The following CCDC3 variants were observed in gnomAD, a reference collection of about 807,000 sequenced individuals.
The protein encoded by CCDC3 is coiled-coil domain-containing protein 3.
In CCDC3, 24 loss-of-function variants were observed where a neutral mutation model predicts 21.4. The ratio of observed to expected loss-of-function variants is 1.12; its 90% confidence interval spans 0.81 to 1.58. The LOEUF is 1.58. Ranked by LOEUF, CCDC3 falls within the 40% of genes most tolerant of loss-of-function variation. The pLI is 0.00. For missense variants in CCDC3, 425 were observed against 360.9 expected, an observed-to-expected ratio of 1.18 and a Z score of -1.44; for synonymous variants, 186 against 166.0, an observed-to-expected ratio of 1.12 and a Z score of -0.93.
At chr10:12,919,033 G>GTGAC (rs953362590) in intron 2 of CCDC3, among the ~76,000 whole-genome samples, 6 of 152,116 alleles carry the variant, frequency 3.9e-5, no homozygotes, top group African/African-American at 1.4e-4. Context: ...TCCAGCCTGG[G>GTGAC]TGACAGAGCA....
At chr10:13,076,211 T>C (rs893054731) in intron 3 of CCDC3, among the ~76,000 whole-genome samples, 1 of 152,240 alleles carries the variant, frequency 6.6e-6, no homozygotes, top group Non-Finnish European at 1.5e-5. Flanking sequence ...TGGGCAAATG[T>C]TGATGGCTGG....
chr10:13,069,950 C>G (rs1291169692), intron 4 of CCDC3, among the ~76,000 whole-genome samples: 1 of 152,138 alleles, frequency 6.6e-6, no homozygotes, highest in East Asian at 1.9e-4. Context: ...AGAACTTTGA[C>G]AGGTGCTCTG....
intron 3 of CCDC3, among the ~76,000 whole-genome samples, chr10:13,089,134 C>T (rs983143542): frequency 3.9e-5 from 6 of 152,088 alleles, no homozygotes; most frequent in South Asian, 2.1e-4. Context: ...AACTACACAG[C>T]GGACCATATA....
intron 5 of CCDC3, among the ~76,000 whole-genome samples, chr10:13,013,971 C>T (rs1456374750): frequency 2.0e-5 from 3 of 151,324 alleles, no homozygotes; most frequent in African/African-American, 4.9e-5. Context: ...GCCAACATGG[C>T]GAAACCCCAT....
chr10:12,964,656 A>G (rs1213961258), intron 2 of CCDC3, among the ~76,000 whole-genome samples: 2 of 152,098 alleles, frequency 1.3e-5, no homozygotes, highest in African/African-American at 2.4e-5. Flanking sequence ...ACATTTCCTC[A>G]CTGTTTGAAA....
At chr10:13,051,888 G>A (rs541335838) in intron 4 of CCDC3, among the ~76,000 whole-genome samples, 2 of 152,126 alleles carry the variant, frequency 1.3e-5, no homozygotes, top group Admixed American at 6.5e-5. Context: ...ACTTCCGCTT[G>A]GACAGGACAA....
At chr10:13,050,329 A>T (rs1836587799) in intron 4 of CCDC3, among the ~76,000 whole-genome samples, 1 of 152,242 alleles carries the variant, frequency 6.6e-6, no homozygotes, top group Admixed American at 6.5e-5. Context: ...GGAATTAAAC[A>T]GCAGGAGGCA....
intron 2 of CCDC3, among the ~76,000 whole-genome samples, chr10:12,963,622 C>A (rs1233677697): frequency 1.4e-5 from 2 of 138,632 alleles, no homozygotes; most frequent in African/African-American, 5.3e-5. Flanking sequence ...TCACTCTAAC[C>A]CAGGCTGGAG....
intron 2 of CCDC3, among the ~76,000 whole-genome samples, chr10:12,969,052 C>T (rs535000173): frequency 1.3e-5 from 2 of 152,170 alleles, no homozygotes; most frequent in African/African-American, 2.4e-5. Flanking sequence ...AAAAGACAAA[C>T]TACACACCTG....
At chr10:12,999,246 A>G (rs1016896568) in intron 1 of CCDC3, among the ~76,000 whole-genome samples, 1 of 152,234 alleles carries the variant, frequency 6.6e-6, no homozygotes, top group Non-Finnish European at 1.5e-5. Flanking sequence ...ATCTCAAAAA[A>G]AGAACATATA....
intron 4 of CCDC3, chr10:13,058,588 T>C: frequency 1.5e-6 from 1 of 669,418 alleles, no homozygotes; most frequent in Non-Finnish European, 2.7e-6. Context: ...CTGGGCATAG[T>C]AATCCGTTTT....
chr10:12,971,143 C>T (rs1835337165), intron 2 of CCDC3, among the ~76,000 whole-genome samples: 1 of 152,192 alleles, frequency 6.6e-6, no homozygotes, highest in African/African-American at 2.4e-5. Flanking sequence ...CAGAGTGCTG[C>T]CTCCCTCCCT....
chr10:12,983,896 A>G (rs1835545084), intron 2 of CCDC3, among the ~76,000 whole-genome samples: 1 of 152,094 alleles, frequency 6.6e-6, no homozygotes, highest in Admixed American at 6.6e-5. Flanking sequence ...CCTGGCCAAC[A>G]TGGTAAAACC....
At chr10:12,922,594 AC>A (rs1156897343) in intron 2 of CCDC3, among the ~76,000 whole-genome samples, 1 of 151,652 alleles carries the variant, frequency 6.6e-6, no homozygotes, top group African/African-American at 2.4e-5. Flanking sequence ...CTAGAAGACA[AC>A]CTCCCCACCC....
At chr10:12,970,887 C>CAA (rs34307162) in intron 2 of CCDC3, among the ~76,000 whole-genome samples, 10 of 134,680 alleles carry the variant, frequency 7.4e-5, no homozygotes, top group African/African-American at 1.6e-4. Context: ...AAGACTGTCT[C>CAA]AAAAAAAAAA....
Position 13,013,677 on chromosome 10 carries a change from C to T in CCDC3, c.-1-15165G>A, listed in dbSNP as rs368481057. Among the ~76,000 whole-genome samples, 87 of 152,176 alleles carry T rather than the reference C, an allele frequency of 5.7e-4. 1 individual carries two copies. The highest frequency in any genetic ancestry group is 6.8e-3 in the Middle Eastern group (2 of 294). On this transcript the variant is annotated intron_variant, in intron 5 of 6. Transcript: ENST00000378839. ...CAGCTGATAAAACATACCGAGAACA[C>T]AGCATCACCTTGTGATACTCCTGCC... is the stretch of plus-strand genomic sequence containing the variant.
intron 2 of CCDC3, among the ~76,000 whole-genome samples, chr10:12,954,741 G>A (rs531424952): frequency 8.5e-5 from 13 of 152,292 alleles, no homozygotes; most frequent in South Asian, 2.1e-4. Context: ...TCCATTAGGC[G>A]GCACCTCCAA....
chr10:13,025,714 T>G (rs1265970624), intron 5 of CCDC3, among the ~76,000 whole-genome samples: 1 of 152,238 alleles, frequency 6.6e-6, no homozygotes, highest in African/African-American at 2.4e-5. Context: ...TAAAGAGGTC[T>G]TCTTGTATTT....
rs543893110 is a variant in CCDC3 at position 13,074,325 on chromosome 10, ATTTTTTTTTTTTTTTTTTTTTT to A, written c.-502-247_-502-226del. ...GGCATGCACCACCATATCCCGGCTA[ATTTTTTTTTTTTTTTTTTTTTT>A]TTTTTTTTTTTTTTTTGTAGTAGAG... On this transcript the variant is annotated intron_variant, in intron 3 of 6. Transcript: ENST00000378839. Among the ~76,000 whole-genome samples the A allele has an allele frequency of 3.8e-4, 24 of 62,828 alleles. No homozygotes were observed. The South Asian group carries it at 4.8e-3, about 13-fold the overall frequency. The allele number at this position is 62,828 out of a possible 152,430, so 41.2% of individuals were successfully genotyped here. A position where few individuals can be genotyped will look rare whatever the true frequency, so the allele number is the denominator to read the frequency against.
Sources: gnomAD v4.1 joint callset for allele counts (sites outside exome capture counted in the v4.1 genomes callset) on GRCh38, gnomAD v4.1.1 for gene constraint, MANE v1.5 for transcripts, NCBI Gene and HGNC (gene_info 2026-07-23, HGNC 2026-07-21) for gene names.